TESK2: variants seen among roughly 807,000 people sequenced by gnomAD.
TESK2 encodes testis associated actin remodelling kinase 2, also known as dual specificity testis-specific protein kinase 2.
A neutral mutation model predicts 57.1 loss-of-function variants in TESK2; 39 were observed. That is an observed-to-expected ratio of 0.68 (90% confidence interval 0.53 to 0.89). The LOEUF (loss-of-function observed/expected upper bound fraction) is 0.89. Ranked by LOEUF, TESK2 falls within the 40% of genes least tolerant of loss-of-function variation. The pLI, the probability that TESK2 is intolerant of heterozygous loss-of-function variation, is 0.00. For synonymous variants in TESK2, 249 were observed against 267.9 expected (o/e 0.93, Z 0.69); for missense variants, 646 against 732.1 (o/e 0.88, Z 1.36).
intron 2 of TESK2, among the ~76,000 whole-genome samples, chr1:45,433,530 G>A (rs1244500492): frequency 6.6e-6 from 1 of 152,126 alleles, no homozygotes; most frequent in Non-Finnish European, 1.5e-5. Flanking sequence ...GTGAGAACTT[G>A]CAATATTAGT....
intron 1 of TESK2, among the ~76,000 whole-genome samples, chr1:45,460,883 A>G (rs1652305410): frequency 6.6e-6 from 1 of 152,246 alleles, no homozygotes; most frequent in South Asian, 2.1e-4. Context: ...GCAAATGCTA[A>G]AAGTTAATGC....
chr1:45,385,540 C>T (rs1648855830), intron 4 of TESK2, among the ~76,000 whole-genome samples: 2 of 152,006 alleles, frequency 1.3e-5, no homozygotes, highest in South Asian at 4.1e-4. Flanking sequence ...CATCCCTTGG[C>T]TTAGGATGGA....
intron 3 of TESK2, among the ~76,000 whole-genome samples, chr1:45,411,935 T>C (rs1337897954): frequency 2.0e-5 from 3 of 152,194 alleles, no homozygotes; most frequent in Non-Finnish European, 4.4e-5. Context: ...AGATTATAGG[T>C]GTAAGCCACC....
chr1:45,475,063 CA>C (rs58542898), intron 1 of TESK2, among the ~76,000 whole-genome samples: 34,351 of 87,210 alleles, frequency 0.39, 4,494 homozygotes, highest in African/African-American at 0.48. Context: ...GACTCTATCT[CA>C]AAAAAAAAAA....
rs1202358019 is a variant in TESK2 at position 45,344,681 on chromosome 1, T to C, written c.*159A>G. 3.0e-6 allele frequency: 2 copies of C among 665,538 alleles called. No individual in the cohort carries two copies. The highest frequency in any genetic ancestry group is 3.6e-5 in the African/African-American group (2 of 54,898). The allele number at this position is 665,538 out of a possible 1,614,324, so 41.2% of individuals were successfully genotyped here. On this transcript the variant is annotated 3_prime_UTR_variant, in exon 11 of 11. Transcript: ENST00000372086. ...GGCCTCTCACTGCTGCCTCCCGTCATACACAGCCAATGGGCACTGGGAGCC... is the reference window on the plus strand; with the variant it reads ...GGCCTCTCACTGCTGCCTCCCGTCACACACAGCCAATGGGCACTGGGAGCC...
chr1:45,433,098 C>T (rs1651051181), intron 2 of TESK2, among the ~76,000 whole-genome samples: 1 of 92,878 alleles, frequency 1.1e-5, no homozygotes, highest in Non-Finnish European at 2.0e-5. Context: ...TTTTTTGAGA[C>T]CGAGTCTCAC....
chr1:45,471,248 G>A (rs1410654068), intron 1 of TESK2, among the ~76,000 whole-genome samples: 1 of 151,918 alleles, frequency 6.6e-6, no homozygotes, highest in South Asian at 2.1e-4. Context: ...AGAAGCGGAG[G>A]AGCCAGAATT....
intron 3 of TESK2, among the ~76,000 whole-genome samples, chr1:45,390,647 C>T (rs187882149): frequency 6.6e-6 from 1 of 151,412 alleles, no homozygotes; most frequent in Non-Finnish European, 1.5e-5. Flanking sequence ...GTGATCACTG[C>T]TCATTGCAAC....
At chr1:45,482,600 TAAAAA>T (rs34879699) in intron 1 of TESK2, among the ~76,000 whole-genome samples, 5 of 137,360 alleles carry the variant, frequency 3.6e-5, no homozygotes, top group South Asian at 4.7e-4. Context: ...GGTCAGCCAT[TAAAAA>T]AAAAAAAAAA....
intron 3 of TESK2, among the ~76,000 whole-genome samples, chr1:45,409,288 G>C (rs970516832): frequency 6.6e-6 from 1 of 152,188 alleles, no homozygotes; most frequent in Non-Finnish European, 1.5e-5. Flanking sequence ...AGATTTCTTT[G>C]AAGAGGGGCT....
At chr1:45,441,617 C>CTTTT (rs763476517) in intron 2 of TESK2, among the ~76,000 whole-genome samples, 6 of 118,682 alleles carry the variant, frequency 5.1e-5, no homozygotes, top group Non-Finnish European at 7.0e-5. Context: ...CAAAATTATT[C>CTTTT]TTTTTTTTTT....
At chr1:45,402,093 AAAG>A (rs1284976759) in intron 3 of TESK2, among the ~76,000 whole-genome samples, 19 of 151,732 alleles carry the variant, frequency 1.3e-4, no homozygotes, top group African/African-American at 4.6e-4. Context: ...AAAAAAAAGA[AAAG>A]AAAAGAAAAG....
At chr1:45,389,513 A>G (rs1163296362) in intron 3 of TESK2, among the ~76,000 whole-genome samples, 2 of 152,182 alleles carry the variant, frequency 1.3e-5, no homozygotes, top group Non-Finnish European at 2.9e-5. Flanking sequence ...AGTCCCCACC[A>G]GCAAGAAGAC....
chr1:45,482,060 C>A (rs913598176), intron 1 of TESK2, among the ~76,000 whole-genome samples: 1 of 152,194 alleles, frequency 6.6e-6, no homozygotes, highest in African/African-American at 2.4e-5. Flanking sequence ...TCCACGTGAG[C>A]AGTTCCTTCC....
At chr1:45,370,891 G>C (rs539007003) in intron 4 of TESK2, among the ~76,000 whole-genome samples, 41 of 152,166 alleles carry the variant, frequency 2.7e-4, no homozygotes, top group African/African-American at 8.9e-4. Context: ...TTTTCAGGGA[G>C]AAACAAAATT....
intron 2 of TESK2, among the ~76,000 whole-genome samples, chr1:45,456,010 A>T (rs1652073436): frequency 6.6e-6 from 1 of 150,528 alleles, no homozygotes; most frequent in African/African-American, 2.4e-5. Flanking sequence ...CTGGGCAACA[A>T]GGTGAAACCC....
intron 1 of TESK2, among the ~76,000 whole-genome samples, chr1:45,462,961 T>C (rs1652395262): frequency 1.3e-5 from 2 of 152,370 alleles, no homozygotes; most frequent in Admixed American, 1.3e-4. Flanking sequence ...ATTGTAGTTT[T>C]GATGTGCATT....
At chr1:45,362,014 G>A (rs923523173) in intron 4 of TESK2, among the ~76,000 whole-genome samples, 13 of 152,146 alleles carry the variant, frequency 8.5e-5, no homozygotes, top group African/African-American at 2.9e-4. Flanking sequence ...ATTTTACCAC[G>A]ATAGAGAATG....
At chr1:45,442,716 CAT>C (rs1461458674) in intron 2 of TESK2, among the ~76,000 whole-genome samples, 2 of 152,230 alleles carry the variant, frequency 1.3e-5, no homozygotes, top group Admixed American at 6.5e-5. Flanking sequence ...ACTGCACACA[CAT>C]GTGCCACTTC....
Sources: allele counts gnomAD v4.1 joint callset (sites outside exome capture counted in the v4.1 genomes callset), GRCh38; gene constraint gnomAD v4.1.1; transcripts MANE v1.5; gene names NCBI Gene and HGNC (gene_info 2026-07-23, HGNC 2026-07-21).